Variants in TENM2 observed in about 807,000 individuals in gnomAD.
The protein encoded by TENM2 is teneurin transmembrane protein 2.
Under a neutral mutation model 245.2 loss-of-function variants are expected in TENM2, and 52 were observed. That is an observed-to-expected ratio of 0.21 (90% CI 0.17 to 0.27). The LOEUF (loss-of-function observed/expected upper bound fraction) is 0.27, where lower values mean the gene tolerates loss of function less well. TENM2 is among the 10% of genes least tolerant of loss of function. TENM2 has a pLI of 1.00. For synonymous variants in TENM2, 1,363 were observed against 1,438.9 expected (o/e 0.95, Z 1.19); for missense variants, 3,046 against 3,666.8 (o/e 0.83, Z 4.37).
intron 2 of TENM2, among the ~76,000 whole-genome samples, chr5:167,389,430 A>G (rs1042550070): frequency 1.3e-5 from 2 of 152,034 alleles, no homozygotes; most frequent in African/African-American, 4.8e-5. Flanking sequence ...CATGTTTTAC[A>G]TGCCCTATAT....
Position 168,040,249 on chromosome 5 carries a change from G to T in TENM2, c.1187-7178G>T, listed in dbSNP as rs115457046. 3.2e-3 allele frequency among the ~76,000 whole-genome samples: 487 copies of T among 152,330 alleles called. 4 individuals are homozygous for T. The highest frequency in any genetic ancestry group is 0.011 in the African/African-American group (467 of 41,578). The stretch of plus-strand genomic sequence containing the variant: ...GACAGTTTTGGGACTGTAGCTGGAA[G>T]ATTTGAGTTCCTCTAGAGAGGTGAA... On this transcript the variant is annotated intron_variant, in intron 5 of 28. Coordinates refer to ENST00000518659, the Ensembl canonical transcript of TENM2.
intron 1 of TENM2, chr5:167,297,521 G>C (rs1236735193): frequency 6.6e-6 from 1 of 152,198 alleles, no homozygotes; most frequent in African/African-American, 2.4e-5. Context: ...CGTCTTCAAA[G>C]TCAAAGCAGT....
chr5:167,728,817 A>C (rs1775413262), intron 2 of TENM2: 1 of 152,290 alleles, frequency 6.6e-6, no homozygotes, highest in Admixed American at 6.5e-5. Context: ...GGGCATGCCC[A>C]ATCTCTGGCA....
chr5:167,399,130 A>G (rs1762233242), intron 2 of TENM2, among the ~76,000 whole-genome samples: 1 of 152,160 alleles, frequency 6.6e-6, no homozygotes, highest in Non-Finnish European at 1.5e-5. Flanking sequence ...TGCCTCGTAT[A>G]TCAAAAAGGA....
exon 21 of TENM2, chr5:168,215,247 A>C (rs769519853): frequency 9.9e-6 from 16 of 1,613,846 alleles, no homozygotes; most frequent in African/African-American, 1.3e-5. Flanking sequence ...GGAAGGCCAT[A>C]GATGCAACCC....
chr5:167,927,198 C>T (rs1307374373), intron 3 of TENM2, among the ~76,000 whole-genome samples: 1 of 152,132 alleles, frequency 6.6e-6, no homozygotes, highest in African/African-American at 2.4e-5. Flanking sequence ...GATAGGGGCT[C>T]ATAATTTAAA....
At chr5:167,112,657 A>G in the TENM2 span, among the ~76,000 whole-genome samples, 1 of 152,238 alleles carries the variant, frequency 6.6e-6, no homozygotes, top group Non-Finnish European at 1.5e-5. Context: ...CTGTTTCCAG[A>G]TGGAATTCAC....
chr5:167,090,241 T>TA, the TENM2 span, among the ~76,000 whole-genome samples: 98 of 147,642 alleles, frequency 6.6e-4, no homozygotes, highest in East Asian at 0.013. Context: ...ACAGAATTCT[T>TA]AAAAAAAAAA....
At chr5:167,013,654 C>T in the TENM2 span, among the ~76,000 whole-genome samples, 1 of 152,072 alleles carries the variant, frequency 6.6e-6, no homozygotes, top group Non-Finnish European at 1.5e-5. Context: ...TTGCAGTGAA[C>T]CAAGATCGCA....
intron 2 of TENM2, among the ~76,000 whole-genome samples, chr5:167,704,754 C>T (rs879865403): frequency 1.3e-5 from 2 of 152,148 alleles, no homozygotes; most frequent in African/African-American, 2.4e-5. Flanking sequence ...AAAGAATCAG[C>T]CCTTTTTACT....
intron 2 of TENM2, among the ~76,000 whole-genome samples, chr5:167,616,544 C>T (rs897240425): frequency 1.3e-5 from 2 of 151,982 alleles, no homozygotes; most frequent in African/African-American, 4.8e-5. Context: ...ATAGCAAATG[C>T]CTTACTTGTA....
intron 2 of TENM2, among the ~76,000 whole-genome samples, chr5:167,438,896 C>A (rs550666531): frequency 2.6e-5 from 4 of 151,770 alleles, no homozygotes; most frequent in Non-Finnish European, 5.9e-5. Context: ...GGAGTTCAAG[C>A]ACTTCTCCTG....
chr5:167,952,486 T>G (rs1780187313), intron 3 of TENM2, 102 bp from the exon 6 acceptor site: 1 of 972,530 alleles, frequency 1.0e-6, no homozygotes, highest in Admixed American at 2.2e-5. Flanking sequence ...TCAGCAATTG[T>G]CAGCTTAGAG....
chr5:167,151,782 G>T, the TENM2 span, among the ~76,000 whole-genome samples: 13 of 152,276 alleles, frequency 8.5e-5, no homozygotes, highest in African/African-American at 2.9e-4. Flanking sequence ...CTCCCAAAAT[G>T]GTGGAACTAT....
chr5:167,384,445 G>T (rs1761292159), intron 2 of TENM2, among the ~76,000 whole-genome samples: 1 of 152,096 alleles, frequency 6.6e-6, no homozygotes, highest in South Asian at 2.1e-4. Flanking sequence ...TGATTTTTCA[G>T]GGGACACTTT....
intron 3 of TENM2, among the ~76,000 whole-genome samples, chr5:167,930,467 T>G (rs1367312671): frequency 6.6e-6 from 1 of 150,598 alleles, no homozygotes; most frequent in Admixed American, 6.6e-5. Context: ...ATTTATTTAT[T>G]TATTTATTTA....
At chr5:167,948,868 G>C (rs1474028493) in intron 3 of TENM2, 1 of 152,198 alleles carries the variant, frequency 6.6e-6, no homozygotes, top group Non-Finnish European at 1.5e-5. Flanking sequence ...CCGTTTCATA[G>C]TAAGTTGAAG....
the TENM2 span, among the ~76,000 whole-genome samples, chr5:167,277,867 G>C: frequency 6.6e-6 from 1 of 152,116 alleles, no homozygotes; most frequent in African/African-American, 2.4e-5. Context: ...GCTCCTTTCT[G>C]TCTCTAGTAA....
chr5:167,652,374 G>C (rs1754531100), intron 2 of TENM2, among the ~76,000 whole-genome samples: 1 of 152,042 alleles, frequency 6.6e-6, no homozygotes, highest in Non-Finnish European at 1.5e-5. Context: ...CTTATTCCTT[G>C]CTTTTTCTTC....
Sources: gnomAD v4.1 joint callset for allele counts (sites outside exome capture counted in the v4.1 genomes callset) on GRCh38, gnomAD v4.1.1 for gene constraint, MANE v1.5 for transcripts, NCBI Gene and HGNC (gene_info 2026-07-23, HGNC 2026-07-21) for gene names.